SCUBE1: variants seen among roughly 807,000 people sequenced by gnomAD.
SCUBE1 encodes the protein signal peptide, CUB and EGF-like domain-containing protein 1.
SCUBE1 carries 59 observed loss-of-function variants against 124.4 expected under a neutral mutation model. The observed-to-expected ratio is 0.47, with a 90% CI of 0.38 to 0.59. The LOEUF is 0.59. Ranked by LOEUF, SCUBE1 falls within the 20% of genes least tolerant of loss-of-function variation. The pLI, the probability that SCUBE1 is intolerant of heterozygous loss-of-function variation, is 0.00. For synonymous variants in SCUBE1, 545 were observed against 550.9 expected (o/e 0.99, Z 0.15); for missense variants, 1,150 against 1,371.2 (o/e 0.84, Z 2.55).
chr22:43,204,043 T>C lies in SCUBE1; in HGVS notation c.2921A>G (p.Lys974Arg), dbSNP rs1217712087. 3 of 1,614,138 alleles carry C rather than the reference T, an allele frequency of 1.9e-6. No individual in the cohort carries two copies. The highest frequency in any genetic ancestry group is 2.5e-6 in the Non-Finnish European group (3 of 1,180,012). ...SKEMFPRSFIKLLRSKVSRFL... is the reference protein window; with the variant it reads ...SKEMFPRSFIRLLRSKVSRFL... ...CCGAGACACTTTGGAGCGCAGCAGT[T>C]TGATGAAGGACCGTGGGAACATCTC... Residue 974 changes from lysine to arginine, a missense_variant, in exon 22 of 22, where the codon AAA (lysine) becomes AGA (arginine). Around this residue, in one of 3 missense-constraint regions of SCUBE1, gnomAD observed 757 missense variants for 840.9 expected, o/e 0.90. Coordinates refer to ENST00000360835, the MANE Select transcript of SCUBE1 (RefSeq NM_173050.5).
intron 4 of SCUBE1, among the ~76,000 whole-genome samples, chr22:43,280,657 C>A (rs1476190078): frequency 1.3e-5 from 2 of 150,806 alleles, no homozygotes; most frequent in Non-Finnish European, 3.0e-5. Flanking sequence ...CCAACTTCCC[C>A]TATCAGCCCT....
In SCUBE1 at chr22:43,321,974, GATTTT is replaced by G. The variant is rs1278245767; in HGVS notation, c.221-1914_221-1910del. 3.3e-5 allele frequency among the ~76,000 whole-genome samples: 5 copies of G among 152,230 alleles called. No homozygotes were observed. The South Asian group carries it at 8.3e-4, about 25-fold the overall frequency. On this transcript the variant is annotated intron_variant, in intron 2 of 21. Transcript: ENST00000360835. ...TTTATGTTTATTGAAAAGGCACATA[GATTTT>G]ATTTTATTTATTTATTTATTTTTTT...
intron 4 of SCUBE1, among the ~76,000 whole-genome samples, chr22:43,284,761 A>ATCG (rs3047381): frequency 4.0e-5 from 6 of 151,356 alleles, no homozygotes; most frequent in Admixed American, 3.3e-4. Flanking sequence ...CATCATCGTC[A>ATCG]TCGTCGTCGT....
intron 2 of SCUBE1, among the ~76,000 whole-genome samples, chr22:43,322,342 C>T (rs992348590): frequency 5.3e-5 from 8 of 152,132 alleles, no homozygotes; most frequent in Non-Finnish European, 1.0e-4. Flanking sequence ...CAGCCCTGAC[C>T]TTTCTCCAGA....
At chr22:43,331,198 C>T (rs1175760478) in intron 2 of SCUBE1, among the ~76,000 whole-genome samples, 1 of 152,110 alleles carries the variant, frequency 6.6e-6, no homozygotes, top group Non-Finnish European at 1.5e-5. Context: ...ATCTACCTAA[C>T]TTCAGTGATT....
At position 43,222,649 on chromosome 22, in the gene SCUBE1, G is replaced by C; in HGVS notation, c.1421C>G (p.Pro474Arg). 1 of 1,592,076 alleles carries C rather than the reference G, an allele frequency of 6.3e-7. No homozygotes were observed. Among genetic ancestry groups the C allele is most frequent in the Non-Finnish European group, 8.5e-7 (1 of 1,170,486 alleles). The change falls in exon 12 of 22, where the codon CCC (proline) becomes CGC (arginine). Residue 474 changes from proline (P) to arginine (R), a missense_variant. This residue lies in a region of SCUBE1 where 757 missense variants were observed against 840.9 expected (regional missense o/e 0.90). Transcript: ENST00000360835. ...GCCGGGGGGGTTACCTGAGCAGCTGGGCCCGAGGCCAGAGCTGGTGCCGTT... is the reference window on the plus strand; with the variant it reads ...GCCGGGGGGGTTACCTGAGCAGCTGCGCCCGAGGCCAGAGCTGGTGCCGTT... ...KRNGTSSGLGPSCSDAPTTPI... is the reference protein window; with the variant it reads ...KRNGTSSGLGRSCSDAPTTPI...
chr22:43,269,136 G>A (rs1276447241), intron 4 of SCUBE1, among the ~76,000 whole-genome samples: 1 of 152,172 alleles, frequency 6.6e-6, no homozygotes, highest in Non-Finnish European at 1.5e-5. Flanking sequence ...GGTTGGGACA[G>A]CGTCGGGGAA....
At chr22:43,242,325 G>A (rs1923037689) in intron 6 of SCUBE1, among the ~76,000 whole-genome samples, 1 of 152,222 alleles carries the variant, frequency 6.6e-6, no homozygotes, top group South Asian at 2.1e-4. Flanking sequence ...CACTCCTCCT[G>A]TTCCTCAGGA....
At chr22:43,251,864 A>C (rs762950) in intron 6 of SCUBE1, among the ~76,000 whole-genome samples, 3 of 151,952 alleles carry the variant, frequency 2.0e-5, no homozygotes, top group Admixed American at 6.5e-5. Flanking sequence ...CTCCAGGGAG[A>C]GGGGCTTGAT....
chr22:43,270,991 T>G (rs58281502), intron 4 of SCUBE1, among the ~76,000 whole-genome samples: 7,999 of 152,198 alleles, frequency 0.053, 645 homozygotes, highest in East Asian at 0.32. Flanking sequence ...AGGGGCAGCC[T>G]CCCGGCCGCC....
chr22:43,295,276 C>T (rs575899751), intron 3 of SCUBE1, among the ~76,000 whole-genome samples: 3 of 152,230 alleles, frequency 2.0e-5, no homozygotes, highest in Admixed American at 6.5e-5. Flanking sequence ...CACTCCACCC[C>T]GGCTTCCAGG....
At chr22:43,265,865 C>T (rs968880359) in intron 4 of SCUBE1, among the ~76,000 whole-genome samples, 3 of 152,154 alleles carry the variant, frequency 2.0e-5, no homozygotes, top group Admixed American at 6.5e-5. Context: ...TTTGGGAGAG[C>T]GAGGCGGGGG....
rs528688485 is a variant in SCUBE1, at chr22:43,202,835, T to G, written c.*1162A>C. On this transcript the variant is annotated 3_prime_UTR_variant, in exon 22 of 22. Coordinates refer to ENST00000360835, the MANE Select transcript of SCUBE1 (RefSeq NM_173050.5). ...TGGCCTCTGACAGCAAGCTCTGCTC[T>G]CTCCCCTTTCCTCACTGGCCGCTCT... 12 of 152,308 alleles carry G rather than the reference T, an allele frequency of 7.9e-5. No individual in the cohort carries two copies. Among genetic ancestry groups the G allele is most frequent in the Non-Finnish European group, 1.5e-4 (10 of 68,136 alleles). 9.4% of individuals were successfully genotyped at this position (152,308 alleles called of 1,614,324 possible). A position where few individuals can be genotyped will look rare whatever the true frequency, so the allele number is the denominator to read the frequency against.
chr22:43,291,020 G>A, intron 4 of SCUBE1, 26 bp downstream of exon 4: 1 of 1,559,504 alleles, frequency 6.4e-7, no homozygotes, highest in South Asian at 1.2e-5. Flanking sequence ...GGGGGGACAT[G>A]CCTGGTCAGC....
At position 43,227,323 on chromosome 22, in the gene SCUBE1, A is replaced by G. The variant is rs368349939; in HGVS notation, c.1207+51T>C. On this transcript the variant is annotated intron_variant, in intron 10 of 21. Coordinates refer to ENST00000360835, the MANE Select transcript of SCUBE1 (RefSeq NM_173050.5). ...CCTCAGAAAAGCCACTGTCCCTCCCATCCAAGCCCAGGTGCAGGGGAGGGG... is the reference window on the plus strand; with the variant it reads ...CCTCAGAAAAGCCACTGTCCCTCCCGTCCAAGCCCAGGTGCAGGGGAGGGG... 1.2e-4 allele frequency: 182 copies of G among 1,576,608 alleles called. 1 individual carries two copies. Among genetic ancestry groups the G allele is most frequent in the African/African-American group, 1.0e-3 (74 of 74,342 alleles).
At chr22:43,223,380 G>C (rs753317290) in intron 10 of SCUBE1, among the ~76,000 whole-genome samples, 164 bp from the exon 11 acceptor site, 1 of 152,182 alleles carries the variant, frequency 6.6e-6, no homozygotes, top group East Asian at 1.9e-4. Context: ...TCCCTTGGGC[G>C]TGTGGGGATG....
At chr22:43,282,281 G>C (rs1924945845) in intron 4 of SCUBE1, 1 of 152,476 alleles carries the variant, frequency 6.6e-6, no homozygotes, top group Non-Finnish European at 1.5e-5. Flanking sequence ...ATCCCTCCAG[G>C]CGCTGTGGAC....
chr22:43,223,896 T>G (rs917312540), intron 10 of SCUBE1, among the ~76,000 whole-genome samples: 3 of 152,160 alleles, frequency 2.0e-5, no homozygotes, highest in African/African-American at 7.2e-5. Flanking sequence ...CCAGGTTCAG[T>G]CAAGTCACCT....
At position 43,306,634 on chromosome 22, in the gene SCUBE1, C is replaced by T. The variant is rs116243592; in HGVS notation, c.349+13303G>A. Among the ~76,000 whole-genome samples the T allele has an allele frequency of 6.3e-3, 963 of 152,214 alleles. 14 individuals are homozygous for T. The highest frequency in any genetic ancestry group is 0.022 in the African/African-American group (927 of 41,530). On this transcript the variant is annotated intron_variant, in intron 3 of 21. Coordinates refer to ENST00000360835, the MANE Select transcript of SCUBE1 (RefSeq NM_173050.5). ...CAAGCACAGGGAGAGTGGGAAGGGACGAGCAGGTGAAGGGTCCTGAGGCCC... is the reference window on the plus strand; with the variant it reads ...CAAGCACAGGGAGAGTGGGAAGGGATGAGCAGGTGAAGGGTCCTGAGGCCC...
Sources: gnomAD v4.1 joint callset for allele counts (sites outside exome capture counted in the v4.1 genomes callset) on GRCh38, gnomAD v4.1.1 for gene constraint, gnomAD v4.1.1 regional missense constraint, MANE v1.5 for transcripts, NCBI Gene and HGNC (gene_info 2026-07-23, HGNC 2026-07-21) for gene names.